ABCC1: variants seen among roughly 807,000 people sequenced by gnomAD.
ABCC1 encodes the protein multidrug resistance-associated protein 1.
ABCC1 carries 83 observed loss-of-function variants against 172.9 expected under a neutral mutation model. The observed-to-expected ratio is 0.48, with a 90% CI of 0.40 to 0.58. The LOEUF is 0.58. ABCC1 is among the 20% of genes least tolerant of loss of function. The pLI is 0.00. For synonymous variants in ABCC1, 937 were observed against 825.2 expected, an observed-to-expected ratio of 1.14 and a Z score of -2.32; for missense variants, 1,817 against 2,002.7, an observed-to-expected ratio of 0.91 and a Z score of 1.77.
chr16:15,954,663 C>T (rs9932395), intron 1 of ABCC1, among the ~76,000 whole-genome samples: 11,238 of 152,160 alleles, frequency 0.074, 1,328 homozygotes, highest in African/African-American at 0.25. Context: ...CACAGGGGCC[C>T]TGCAGAAGGC....
chr16:16,117,294 C>T (rs764905371), intron 23 of ABCC1, among the ~76,000 whole-genome samples: 22 of 152,150 alleles, frequency 1.4e-4, no homozygotes, highest in Non-Finnish European at 2.8e-4. Flanking sequence ...ACCACGAAGT[C>T]GGGGAGCCCC....
At chr16:16,122,711 TAAAAAAAA>T (rs34383577) in intron 24 of ABCC1, among the ~76,000 whole-genome samples, 8 of 116,274 alleles carry the variant, frequency 6.9e-5, no homozygotes, top group African/African-American at 1.4e-4. Flanking sequence ...CCATCTCTCT[TAAAAAAAA>T]AAAAAAAAAA....
intron 11 of ABCC1, 126 bp from the exon 12 acceptor site, chr16:16,055,966 T>A (rs2049632915): frequency 2.4e-6 from 2 of 833,504 alleles, no homozygotes; most frequent in Non-Finnish European, 3.6e-6. Flanking sequence ...AAAAAAAAAA[T>A]CAATATAAAA....
chr16:16,023,262 C>T (rs1567322824), intron 5 of ABCC1, among the ~76,000 whole-genome samples: 1 of 152,188 alleles, frequency 6.6e-6, no homozygotes, highest in African/African-American at 2.4e-5. Context: ...TTCTTTCATG[C>T]ACCCACTTCC....
chr16:16,013,821 A>C (rs1217917269), intron 3 of ABCC1, among the ~76,000 whole-genome samples: 1 of 152,114 alleles, frequency 6.6e-6, no homozygotes, highest in African/African-American at 2.4e-5. Flanking sequence ...AGGGCAGAGG[A>C]CCAGCTGCGG....
intron 5 of ABCC1, among the ~76,000 whole-genome samples, chr16:16,028,121 T>G (rs1198542057): frequency 6.6e-6 from 1 of 152,170 alleles, no homozygotes; most frequent in Non-Finnish European, 1.5e-5. Flanking sequence ...CCTTTGTTCC[T>G]TTGTTATCAG....
At chr16:15,976,491 AC>A (rs1179343914) in intron 1 of ABCC1, among the ~76,000 whole-genome samples, 1 of 152,022 alleles carries the variant, frequency 6.6e-6, no homozygotes, top group East Asian at 1.9e-4. Context: ...CTAGACTGAA[AC>A]CCAGGCAGTC....
At chr16:15,961,340 GTTGC>G (rs2046127244) in intron 1 of ABCC1, among the ~76,000 whole-genome samples, 1 of 152,086 alleles carries the variant, frequency 6.6e-6, no homozygotes, top group African/African-American at 2.4e-5. Flanking sequence ...CTTTCTATAG[GTTGC>G]TAGAAAACTC....
chr16:16,056,427 G>A (rs1230585008), intron 12 of ABCC1, 132 bp downstream of exon 12: 1 of 1,065,602 alleles, frequency 9.4e-7, no homozygotes, highest in Non-Finnish European at 1.3e-6. Flanking sequence ...AGCACTCTGG[G>A]AGGCCAAAGC....
chr16:15,989,380 C>T (rs1016419484), intron 1 of ABCC1, among the ~76,000 whole-genome samples: 1 of 152,192 alleles, frequency 6.6e-6, no homozygotes, highest in African/African-American at 2.4e-5. Context: ...TGCTTGCCTC[C>T]TGCTGTGTCG....
chr16:16,135,622 G>A (rs1487749863), intron 28 of ABCC1, among the ~76,000 whole-genome samples: 2 of 151,938 alleles, frequency 1.3e-5, no homozygotes, highest in African/African-American at 4.8e-5. Context: ...TGCGTGGCTA[G>A]TTTTTGTATT....
intron 21 of ABCC1, among the ~76,000 whole-genome samples, chr16:16,108,803 G>T (rs892096245): frequency 6.6e-6 from 1 of 151,292 alleles, no homozygotes; most frequent in South Asian, 2.1e-4. Flanking sequence ...TCGCCCTGTC[G>T]CCCAGACTGG....
At chr16:16,104,147 C>G (rs962131897) in intron 20 of ABCC1, among the ~76,000 whole-genome samples, 1 of 152,100 alleles carries the variant, frequency 6.6e-6, no homozygotes, top group Non-Finnish European at 1.5e-5. Context: ...GCAATGTGGA[C>G]CCAAACACTG....
chr16:16,136,582 C>G lies in ABCC1; in HGVS notation c.4230C>G (p.Asp1410Glu). The G allele has an allele frequency of 6.2e-7, 1 of 1,614,162 alleles. No individual in the cohort carries two copies. The highest frequency in any genetic ancestry group is 1.1e-5 in the South Asian group (1 of 91,074). Residue 1410 changes from aspartate (D) to glutamate (E), a missense_variant, in exon 29 of 31, where the codon GAC (aspartate) becomes GAG (glutamate). By Grantham distance (45) the Asp-to-Glu change is conservative. Coordinates refer to ENST00000399410, the MANE Select transcript of ABCC1 (RefSeq NM_004996.4). Reference sequence around the variant, plus strand: ...CCCTGGAGCTGGCCCACCTGAAGGACTTCGTGTCAGCCCTTCCTGACAAGC... The same window carrying G: ...CCCTGGAGCTGGCCCACCTGAAGGAGTTCGTGTCAGCCCTTCCTGACAAGC... ...WTSLELAHLKDFVSALPDKLD... is the reference protein window; with the variant it reads ...WTSLELAHLKEFVSALPDKLD...
At chr16:16,075,170 C>G (rs1006738414) in intron 14 of ABCC1, among the ~76,000 whole-genome samples, 4 of 151,998 alleles carry the variant, frequency 2.6e-5, no homozygotes, top group African/African-American at 9.7e-5. Flanking sequence ...GTCTCGAACT[C>G]CTGACATCAG....
At chr16:16,034,023 C>CTTTTTTT (rs10580146) in intron 6 of ABCC1, among the ~76,000 whole-genome samples, 25,790 of 85,888 alleles carry the variant, frequency 0.3, 6,125 homozygotes, top group Non-Finnish European at 0.41. Flanking sequence ...TAAGCATCAT[C>CTTTTTTT]TTTTTTTTTT....
chr16:16,023,033 TC>T (rs2048247139), intron 5 of ABCC1, among the ~76,000 whole-genome samples: 1 of 152,196 alleles, frequency 6.6e-6, no homozygotes. Flanking sequence ...CGCTTCTGCC[TC>T]CCAGGTAGCT....
At chr16:15,954,180 T>C (rs1235079071) in intron 1 of ABCC1, among the ~76,000 whole-genome samples, 1 of 152,002 alleles carries the variant, frequency 6.6e-6, no homozygotes, top group African/African-American at 2.4e-5. Flanking sequence ...GGCTAAGTTT[T>C]GTATTTTTAC....
chr16:16,097,315 A>G (rs944127932), intron 19 of ABCC1, among the ~76,000 whole-genome samples: 3 of 152,070 alleles, frequency 2.0e-5, no homozygotes, highest in Non-Finnish European at 4.4e-5. Context: ...GTTGTGCCAC[A>G]TTGGTCAGGC....
Sources: allele counts gnomAD v4.1 joint callset (sites outside exome capture counted in the v4.1 genomes callset), GRCh38; gene constraint gnomAD v4.1.1; transcripts MANE v1.5; gene names NCBI Gene and HGNC (gene_info 2026-07-23, HGNC 2026-07-21).